Variants in ADAMTS8 observed in about 807,000 individuals in gnomAD.
The protein encoded by ADAMTS8 is A disintegrin and metalloproteinase with thrombospondin motifs 8.
Under a neutral mutation model 64.4 loss-of-function variants are expected in ADAMTS8, and 50 were observed. The observed-to-expected ratio is 0.78, with a 90% CI of 0.62 to 0.98. The LOEUF (loss-of-function observed/expected upper bound fraction) is 0.98. Ranked by LOEUF, ADAMTS8 falls within the 50% of genes least tolerant of loss-of-function variation. The pLI is 0.00. For synonymous variants in ADAMTS8, 556 were observed against 533.6 expected (o/e 1.04, Z -0.58); for missense variants, 1,192 against 1,208.2 (o/e 0.99, Z 0.20).
At chr11:130,417,861 G>A (rs918818681) in intron 2 of ADAMTS8, among the ~76,000 whole-genome samples, 1 of 152,084 alleles carries the variant, frequency 6.6e-6, no homozygotes, top group African/African-American at 2.4e-5. Context: ...CTAAATTGGA[G>A]AGTAACCTGT....
At chr11:130,417,322 T>G (rs2134684339) in intron 2 of ADAMTS8, among the ~76,000 whole-genome samples, 1 of 152,064 alleles carries the variant, frequency 6.6e-6, no homozygotes, top group East Asian at 1.9e-4. Flanking sequence ...AGTGGCACGA[T>G]CTCAGCTCAC....
At position 130,427,596 on chromosome 11, in the gene ADAMTS8, T is replaced by C; in HGVS notation, c.691A>G (p.Met231Val). 1 of 1,542,756 alleles carries C rather than the reference T, an allele frequency of 6.5e-7. No individual in the cohort carries two copies. The highest frequency in any genetic ancestry group is 1.2e-5 in the South Asian group (1 of 84,140). ...VETLLVADAS[M>V]AAFYGADLQN... is the part of the protein sequence containing the mutation. ...AGGTCGGCCCCGTAGAAGGCAGCCA[T>C]GGACGCATCGGCCACCAGCAGCGTC... Residue 231 changes from methionine (M) to valine (V), a missense_variant, in exon 1 of 9, where the codon ATG (methionine) becomes GTG (valine). This residue lies in a region of ADAMTS8 where 741 missense variants were observed against 710.6 expected (regional missense o/e 1.04). Coordinates refer to ENST00000257359, the MANE Select transcript of ADAMTS8 (RefSeq NM_007037.6).
At chr11:130,414,126 T>C (rs958131348) in intron 5 of ADAMTS8, among the ~76,000 whole-genome samples, 14 of 149,172 alleles carry the variant, frequency 9.4e-5, no homozygotes, top group East Asian at 1.9e-4. Flanking sequence ...TCTTTTCTTT[T>C]TTTTTTTTTT....
intron 1 of ADAMTS8, 86 bp downstream of exon 1, chr11:130,427,481 G>GGGGTT: frequency 9.9e-7 from 1 of 1,013,190 alleles, no homozygotes; most frequent in South Asian, 1.9e-5. Context: ...TTTTCTCAGA[G>GGGGTT]GGATTGGAAG....
intron 1 of ADAMTS8, among the ~76,000 whole-genome samples, chr11:130,424,777 G>T (rs886879123): frequency 3.3e-5 from 5 of 152,116 alleles, no homozygotes; most frequent in African/African-American, 1.2e-4. Flanking sequence ...CATCTCCAAG[G>T]CTGGTCAGCT....
At chr11:130,412,827 T>G (rs930058998) in intron 5 of ADAMTS8, among the ~76,000 whole-genome samples, 1 of 152,194 alleles carries the variant, frequency 6.6e-6, no homozygotes, top group Non-Finnish European at 1.5e-5. Flanking sequence ...GTATATATTC[T>G]TTCTGTCTTT....
intron 1 of ADAMTS8, among the ~76,000 whole-genome samples, chr11:130,426,959 C>T (rs896390765): frequency 6.6e-6 from 1 of 152,256 alleles, no homozygotes; most frequent in Admixed American, 6.5e-5. Context: ...GGCTGAGCGC[C>T]AGGTTGGCAA....
chr11:130,419,770 C>T (rs899744799), intron 1 of ADAMTS8, among the ~76,000 whole-genome samples: 1 of 152,234 alleles, frequency 6.6e-6, no homozygotes, highest in Non-Finnish European at 1.5e-5. Context: ...CAACCACCCC[C>T]ACCCGTCCCC....
chr11:130,408,666 G>A, intron 7 of ADAMTS8, 27 bp from the exon 8 acceptor site: 1 of 1,613,342 alleles, frequency 6.2e-7, no homozygotes, highest in Non-Finnish European at 8.5e-7. Flanking sequence ...GAAGGTGAGG[G>A]AGGGCGTGTT....
At position 130,428,452 on chromosome 11, in the gene ADAMTS8, G is replaced by C. The variant is rs938874503; in HGVS notation, c.-166C>G. The C allele has an allele frequency of 1.9e-6, 2 of 1,035,556 alleles. No individual in the cohort carries two copies. The highest frequency in any genetic ancestry group is 2.3e-6 in the Non-Finnish European group (2 of 865,686). 64.1% of individuals were successfully genotyped at this position (1,035,556 alleles called of 1,614,324 possible). On this transcript the variant is annotated 5_prime_UTR_variant, in exon 1 of 9. Transcript: ENST00000257359. ...GGCCCGGCGGCGGGAGCGCTCCCCC[G>C]GCGGCCCCTCTGGCTGGCGCAGCCC... is the stretch of plus-strand genomic sequence containing the variant.
Position 130,408,752 on chromosome 11 carries a change from C to CCA in ADAMTS8, c.1923+14_1923+15dup. On this transcript the variant is annotated intron_variant, in intron 7 of 8. Coordinates refer to ENST00000257359, the MANE Select transcript of ADAMTS8 (RefSeq NM_007037.6). ...TCCTCCCCATCTCTGGATCTGAGTCCCAGGGTGATTCTCACCTTGGCCTCG... is the reference window on the plus strand; with the variant it reads ...TCCTCCCCATCTCTGGATCTGAGTCCCACAGGGTGATTCTCACCTTGGCCTCG... 1.2e-6 allele frequency: 2 copies of CCA among 1,613,908 alleles called. No homozygotes were observed. Among genetic ancestry groups the CCA allele is most frequent in the Non-Finnish European group, 1.7e-6 (2 of 1,179,960 alleles).
chr11:130,416,128 AC>A lies in ADAMTS8; in HGVS notation c.1264+34del. On this transcript the variant is annotated intron_variant, in intron 4 of 8. Transcript: ENST00000257359. The surrounding 1 kb of genome is among the most constrained non-coding windows in gnomAD (Gnocchi z 4.8). Reference sequence around the variant, plus strand: ...CGCCAGCACCAGTGGAAGGAGGCCCACGGGGACAAGTAGGGCGGGGCCGCCG... The same window carrying A: ...CGCCAGCACCAGTGGAAGGAGGCCCAGGGGACAAGTAGGGCGGGGCCGCCG... 1 of 1,531,272 alleles carries A rather than the reference AC, an allele frequency of 6.5e-7. No individual in the cohort carries two copies. 94.9% of individuals were successfully genotyped at this position (1,531,272 alleles called of 1,614,324 possible). A position where few individuals can be genotyped will look rare whatever the true frequency, so the allele number is the denominator to read the frequency against.
intron 1 of ADAMTS8, 119 bp downstream of exon 1, chr11:130,427,448 G>T (rs1302771994): frequency 1.0e-6 from 1 of 993,504 alleles, no homozygotes; most frequent in Non-Finnish European, 1.4e-6. Flanking sequence ...TGAGTGGGGA[G>T]GGCTTTTTTT....
At chr11:130,418,941 C>G in intron 2 of ADAMTS8, 112 bp downstream of exon 2, 1 of 1,532,012 alleles carries the variant, frequency 6.5e-7, no homozygotes, top group Non-Finnish European at 8.8e-7. Flanking sequence ...TGGCGTCCAG[C>G]TGGGGCCAGC....
At position 130,428,099 on chromosome 11, in the gene ADAMTS8, C is replaced by T. The variant is rs746706769; in HGVS notation, c.188G>A (p.Gly63Asp). The T allele has an allele frequency of 3.3e-6, 5 of 1,534,136 alleles. No individual in the cohort carries two copies. The East Asian group carries it at 1.3e-4, about 39-fold the overall frequency. The change falls in exon 1 of 9, where the codon GGC becomes GAC. Residue 63 changes from glycine (G) to aspartate (D), a missense_variant. Transcript: ENST00000257359. ...LALHLSAFGK[G>D]FVLRLAPDDS... ...GTCGGGCGCCAGGCGCAGCACGAAG[C>T]CCTTGCCGAAGGCGGACAGGTGGAG...
chr11:130,405,522 G>A lies in ADAMTS8; in HGVS notation c.*36C>T. ...CCTTGTCTGCACCTCAGTACCGCATGTCCAGGAGCACAAGACTGGCCCCTG... is the reference window on the plus strand; with the variant it reads ...CCTTGTCTGCACCTCAGTACCGCATATCCAGGAGCACAAGACTGGCCCCTG... On this transcript the variant is annotated 3_prime_UTR_variant, in exon 9 of 9. Coordinates refer to ENST00000257359, the MANE Select transcript of ADAMTS8 (RefSeq NM_007037.6). The A allele has an allele frequency of 6.4e-7, 1 of 1,557,904 alleles. No homozygotes were observed. Among genetic ancestry groups the A allele is most frequent in the Non-Finnish European group, 8.7e-7 (1 of 1,151,858 alleles).
rs147322180 is a variant in ADAMTS8, at chr11:130,421,330, C to T, written c.721-2038G>A. On this transcript the variant is annotated intron_variant, in intron 1 of 8. Coordinates refer to ENST00000257359, the MANE Select transcript of ADAMTS8 (RefSeq NM_007037.6). ...CTGCTGCTTGAAGATCAGGGCAAGA[C>T]AGCACAAGGAGCTTCCCGGCCCTAA... 2.2e-3 allele frequency among the ~76,000 whole-genome samples: 336 copies of T among 152,320 alleles called. 3 individuals carry two copies. The highest frequency in any genetic ancestry group is 6.8e-3 in the Middle Eastern group (2 of 294).
intron 1 of ADAMTS8, among the ~76,000 whole-genome samples, chr11:130,424,905 G>A (rs982519029): frequency 9.9e-5 from 15 of 152,142 alleles, no homozygotes; most frequent in African/African-American, 3.6e-4. Flanking sequence ...CCAGGGTGGA[G>A]GTGGCGGGGC....
Position 130,427,566 on chromosome 11 carries a change from C to G in ADAMTS8, c.720+1G>C. On this transcript the variant is annotated splice_donor_variant, in intron 1 of 8. Coordinates refer to ENST00000257359, the MANE Select transcript of ADAMTS8 (RefSeq NM_007037.6). LOFTEE classifies it high-confidence loss of function. Reference sequence around the variant, plus strand: ...CGGCTGGAGGAGGCTCTCAGTCCTACCTGCAGGTCGGCCCCGTAGAAGGCA... The same window carrying G: ...CGGCTGGAGGAGGCTCTCAGTCCTAGCTGCAGGTCGGCCCCGTAGAAGGCA... 2 of 1,536,686 alleles carry G rather than the reference C, an allele frequency of 1.3e-6. No individual in the cohort carries two copies. The highest frequency in any genetic ancestry group is 1.7e-6 in the Non-Finnish European group (2 of 1,146,564).
Sources: allele counts gnomAD v4.1 joint callset (sites outside exome capture counted in the v4.1 genomes callset), GRCh38; gene constraint gnomAD v4.1.1; regional missense constraint gnomAD v4.1.1; non-coding constraint Gnocchi (gnomAD v3.1); transcripts MANE v1.5; gene names NCBI Gene and HGNC (gene_info 2026-07-23, HGNC 2026-07-21).